The following MIPOL1 variants were observed in gnomAD, a reference collection of about 807,000 sequenced individuals.
MIPOL1 encodes the protein mirror-image polydactyly 1, also known as mirror-image polydactyly gene 1 protein.
In MIPOL1, 57 loss-of-function variants were observed where a neutral mutation model predicts 60.9. The ratio of observed to expected loss-of-function variants is 0.94; its 90% CI spans 0.76 to 1.17. MIPOL1 has a LOEUF of 1.17. Ranked by LOEUF, MIPOL1 falls within the 50% of genes most tolerant of loss-of-function variation. The pLI, the probability that MIPOL1 is intolerant of heterozygous loss-of-function variation, is 0.00. For synonymous variants in MIPOL1, 179 were observed against 168.8 expected (o/e 1.06, Z -0.47); for missense variants, 551 against 511.6 (o/e 1.08, Z -0.74).
chr14:37,292,799 CA>C (rs1351814419), intron 7 of MIPOL1, among the ~76,000 whole-genome samples: 2 of 152,052 alleles, frequency 1.3e-5, no homozygotes, highest in African/African-American at 4.8e-5. Context: ...ATTTAATTTT[CA>C]GGCCTGTTTG....
intron 11 of MIPOL1, among the ~76,000 whole-genome samples, chr14:37,452,961 C>T (rs1368342061): frequency 1.3e-5 from 2 of 152,118 alleles, no homozygotes; most frequent in African/African-American, 4.8e-5. Context: ...AAATGTCCTT[C>T]TAAGGAATTT....
At chr14:37,474,017 C>A (rs557244706) in intron 11 of MIPOL1, among the ~76,000 whole-genome samples, 9 of 152,256 alleles carry the variant, frequency 5.9e-5, no homozygotes, top group African/African-American at 1.9e-4. Flanking sequence ...TGGAATCACA[C>A]AGTATGTAGC....
rs1594872722 is a variant in MIPOL1 at position 37,524,687 on chromosome 14, C to G, written c.1263-22218C>G. 2.0e-5 allele frequency among the ~76,000 whole-genome samples: 3 copies of G among 151,448 alleles called. No individual in the cohort carries two copies. In the Middle Eastern group the frequency reaches 0.01, roughly 515 times the overall value. Reference sequence around the variant, plus strand: ...GGTTCAAGCAATTCTCTGCCTCAGCCTCCCGAGTAGCTGGGATTACAGGCA... The same window carrying G: ...GGTTCAAGCAATTCTCTGCCTCAGCGTCCCGAGTAGCTGGGATTACAGGCA... On this transcript the variant is annotated intron_variant, in intron 12 of 12. Transcript: ENST00000684589.
intron 11 of MIPOL1, among the ~76,000 whole-genome samples, chr14:37,436,879 C>A (rs749885220): frequency 3.3e-5 from 5 of 152,280 alleles, no homozygotes; most frequent in Non-Finnish European, 5.9e-5. Context: ...TTCCTTAAAT[C>A]ATGAACTAGT....
chr14:37,382,753 G>C (rs779764144), intron 10 of MIPOL1, among the ~76,000 whole-genome samples: 1 of 151,792 alleles, frequency 6.6e-6, no homozygotes, highest in East Asian at 1.9e-4. Context: ...TTAATTCAGT[G>C]CCTGGTCTCT....
At chr14:37,246,327 T>C (rs1426685605) in intron 1 of MIPOL1, among the ~76,000 whole-genome samples, 1 of 152,152 alleles carries the variant, frequency 6.6e-6, no homozygotes, top group Non-Finnish European at 1.5e-5. Flanking sequence ...GAAATAGATG[T>C]AGTTTGGGAC....
At chr14:37,373,903 A>G (rs1415669598) in intron 10 of MIPOL1, among the ~76,000 whole-genome samples, 1 of 152,122 alleles carries the variant, frequency 6.6e-6, no homozygotes, top group Non-Finnish European at 1.5e-5. Flanking sequence ...ATACCCTGTA[A>G]TGGGATTGCT....
chr14:37,262,877 AAT>A (rs1187028171), intron 3 of MIPOL1, among the ~76,000 whole-genome samples: 2 of 152,108 alleles, frequency 1.3e-5, no homozygotes, highest in Non-Finnish European at 2.9e-5. Flanking sequence ...GGGACCATCA[AAT>A]CCGTTTACAC....
chr14:37,231,631 G>C (rs1401054286), intron 1 of MIPOL1, among the ~76,000 whole-genome samples: 1 of 151,978 alleles, frequency 6.6e-6, no homozygotes, highest in Non-Finnish European at 1.5e-5. Context: ...TTGTATCTGT[G>C]ATCATAATTA....
At position 37,432,778 on chromosome 14, in the gene MIPOL1, C is replaced by T. The variant is rs112696906; in HGVS notation, c.1031+9829C>T. ...TAGAATGAAAAAATAAAATATTTTC[C>T]GTGGTTGCTTTGTTTGGTCTGCATA... On this transcript the variant is annotated intron_variant, in intron 11 of 12. Transcript: ENST00000684589. 3.2e-3 allele frequency among the ~76,000 whole-genome samples: 486 copies of T among 151,828 alleles called. 4 individuals are homozygous for T. Among genetic ancestry groups the T allele is most frequent in the Middle Eastern group, 0.031 (9 of 294 alleles).
intron 10 of MIPOL1, among the ~76,000 whole-genome samples, chr14:37,408,906 CA>C (rs1262467274): frequency 6.6e-6 from 1 of 152,052 alleles, no homozygotes; most frequent in Non-Finnish European, 1.5e-5. Context: ...TTTACTTCAC[CA>C]AAAAATGAGA....
chr14:37,221,147 C>G (rs1014225666), intron 1 of MIPOL1, among the ~76,000 whole-genome samples: 1 of 151,976 alleles, frequency 6.6e-6, no homozygotes, highest in South Asian at 2.1e-4. Context: ...TGCCTTAGTT[C>G]ATCTTGTGTT....
At chr14:37,460,316 T>A (rs2094525543) in intron 11 of MIPOL1, among the ~76,000 whole-genome samples, 2 of 152,026 alleles carry the variant, frequency 1.3e-5, no homozygotes, top group Admixed American at 1.3e-4. Context: ...ATCCAACATC[T>A]CTTCATGATA....
chr14:37,446,981 G>A (rs868161395), intron 11 of MIPOL1, among the ~76,000 whole-genome samples: 6 of 151,804 alleles, frequency 4.0e-5, no homozygotes, highest in Admixed American at 6.6e-5. Flanking sequence ...GCTAAATTAC[G>A]AGTTAATGGG....
At chr14:37,366,789 C>G (rs1410363172) in intron 9 of MIPOL1, among the ~76,000 whole-genome samples, 1 of 151,936 alleles carries the variant, frequency 6.6e-6, no homozygotes, top group African/African-American at 2.4e-5. Flanking sequence ...CTATATCTCT[C>G]TTTAGCTCTA....
intron 7 of MIPOL1, among the ~76,000 whole-genome samples, chr14:37,292,849 T>C (rs527338471): frequency 1.3e-5 from 2 of 152,272 alleles, no homozygotes; most frequent in African/African-American, 4.8e-5. Context: ...GGCATTGCTC[T>C]TGCTACCTTT....
At chr14:37,368,962 AG>A (rs1252768480) in intron 9 of MIPOL1, among the ~76,000 whole-genome samples, 2 of 152,072 alleles carry the variant, frequency 1.3e-5, no homozygotes, top group African/African-American at 4.8e-5. Context: ...TCAAAATGGG[AG>A]AAATTAAAAA....
chr14:37,451,608 A>G (rs2094417528), intron 11 of MIPOL1, among the ~76,000 whole-genome samples: 1 of 151,256 alleles, frequency 6.6e-6, no homozygotes, highest in Admixed American at 6.6e-5. Flanking sequence ...CATCATAATC[A>G]TAGGATTGTT....
At chr14:37,284,526 G>A (rs1048062550) in intron 6 of MIPOL1, among the ~76,000 whole-genome samples, 1 of 151,854 alleles carries the variant, frequency 6.6e-6, no homozygotes, top group African/African-American at 2.4e-5. Flanking sequence ...TGTATTTTTA[G>A]TAGAGACGGG....
Sources: gnomAD v4.1 joint callset for allele counts (sites outside exome capture counted in the v4.1 genomes callset) on GRCh38, gnomAD v4.1.1 for gene constraint, MANE v1.5 for transcripts, NCBI Gene and HGNC (gene_info 2026-07-23, HGNC 2026-07-21) for gene names.